Variants in GTF2IRD1 observed in about 807,000 individuals in gnomAD.
The protein encoded by GTF2IRD1 is general transcription factor II-I repeat domain-containing protein 1.
In GTF2IRD1, 26 loss-of-function variants were observed where a neutral mutation model predicts 113.2. The observed-to-expected ratio is 0.23, with a 90% CI of 0.17 to 0.32. GTF2IRD1 has a LOEUF of 0.32. Among genes scored for constraint, GTF2IRD1 ranks in the 10% least tolerant of loss-of-function variants. The pLI, the probability that GTF2IRD1 is intolerant of heterozygous loss-of-function variation, is 1.00. For synonymous variants in GTF2IRD1, 484 were observed against 529.1 expected (o/e 0.91, Z 1.17); for missense variants, 864 against 1,280.8 (o/e 0.67, Z 4.97).
At chr7:74,478,056 CAAAT>C (rs1344227810) in intron 1 of GTF2IRD1, among the ~76,000 whole-genome samples, 6 of 152,178 alleles carry the variant, frequency 3.9e-5, no homozygotes, top group Admixed American at 3.3e-4. Context: ...TGCCTGAGAA[CAAAT>C]AAATACTTCT....
intron 22 of GTF2IRD1, among the ~76,000 whole-genome samples, chr7:74,576,298 C>T (rs587672093): frequency 2.6e-4 from 39 of 151,994 alleles, no homozygotes; most frequent in South Asian, 1.0e-3. Context: ...CAGTGGCTCA[C>T]GACTGTAATC....
At chr7:74,584,944 G>C (rs1415350402) in intron 22 of GTF2IRD1, among the ~76,000 whole-genome samples, 2 of 152,040 alleles carry the variant, frequency 1.3e-5, no homozygotes, top group Non-Finnish European at 2.9e-5. Flanking sequence ...TGGGATTACA[G>C]GCACCTGCCA....
intron 22 of GTF2IRD1, among the ~76,000 whole-genome samples, chr7:74,586,941 T>C (rs1256115894): frequency 1.3e-5 from 2 of 151,416 alleles, no homozygotes; most frequent in Non-Finnish European, 2.9e-5. Flanking sequence ...AGCTTAGGAG[T>C]TCGAGAACAG....
intron 1 of GTF2IRD1, chr7:74,507,156 G>C (rs1796340478): frequency 6.6e-6 from 1 of 152,246 alleles, no homozygotes; most frequent in Admixed American, 6.6e-5. Flanking sequence ...GGTACAGGAG[G>C]TGGGCAAGCA....
chr7:74,497,136 T>A (rs2129757019), intron 1 of GTF2IRD1, among the ~76,000 whole-genome samples: 1 of 152,272 alleles, frequency 6.6e-6, no homozygotes, highest in Middle Eastern at 3.4e-3. Context: ...CAATCCAGCC[T>A]GGGCAACAGA....
intron 1 of GTF2IRD1, among the ~76,000 whole-genome samples, chr7:74,475,477 T>C (rs1479149064): frequency 1.3e-5 from 2 of 152,132 alleles, no homozygotes; most frequent in African/African-American, 4.8e-5. Context: ...CCTGGCCTCA[T>C]GTACGTTCCT....
intron 25 of GTF2IRD1, among the ~76,000 whole-genome samples, chr7:74,597,207 T>A (rs1434174672): frequency 6.6e-6 from 1 of 151,780 alleles, no homozygotes; most frequent in Non-Finnish European, 1.5e-5. Context: ...CACGCCCAGC[T>A]ATTTTTTTGT....
chr7:74,538,795 A>G (rs1554350935), intron 13 of GTF2IRD1, 35 bp downstream of exon 13: 3 of 1,149,490 alleles, frequency 2.6e-6, no homozygotes, highest in Non-Finnish European at 4.0e-6. Context: ...CCCTGCAGAA[A>G]TCAGGGCCGG....
At chr7:74,533,871 A>T (rs1311697858) in intron 9 of GTF2IRD1, among the ~76,000 whole-genome samples, 1 of 151,978 alleles carries the variant, frequency 6.6e-6, no homozygotes, top group Non-Finnish European at 1.5e-5. Flanking sequence ...CTACAAAAAA[A>T]TTTAAAACTT....
At position 74,579,179 on chromosome 7, in the gene GTF2IRD1, G is replaced by A. The variant is rs1801259909; in HGVS notation, c.2321-10672G>A. 2.6e-5 allele frequency among the ~76,000 whole-genome samples: 4 copies of A among 152,138 alleles called. No homozygotes were observed. The South Asian group carries it at 8.3e-4, about 31-fold the overall frequency. ...TCTACAAAAATGTTAAAATTAGCCA[G>A]ACGTGGTGGTATGCACCTGTAGGCC... On this transcript the variant is annotated intron_variant, in intron 22 of 26. Coordinates refer to ENST00000424337, the MANE Select transcript of GTF2IRD1 (RefSeq NM_005685.4).
chr7:74,455,868 G>C (rs1215516017), intron 1 of GTF2IRD1, among the ~76,000 whole-genome samples: 2 of 152,142 alleles, frequency 1.3e-5, no homozygotes, highest in Non-Finnish European at 2.9e-5. Context: ...AGGAAGGAAG[G>C]GTTGAAACTC....
At chr7:74,485,469 T>C (rs1459136451) in intron 1 of GTF2IRD1, among the ~76,000 whole-genome samples, 1 of 151,214 alleles carries the variant, frequency 6.6e-6, no homozygotes, top group African/African-American at 2.4e-5. Flanking sequence ...CACAAAAAAT[T>C]AGCTGGGCGT....
chr7:74,498,725 G>GTTC (rs145998265), intron 1 of GTF2IRD1, among the ~76,000 whole-genome samples: 13,142 of 134,834 alleles, frequency 0.097, 1,442 homozygotes, highest in East Asian at 0.38. Context: ...TGGTCCTGTA[G>GTTC]TTCTTTTTTT....
chr7:74,588,220 G>T (rs1182804784), intron 22 of GTF2IRD1, among the ~76,000 whole-genome samples: 1 of 148,360 alleles, frequency 6.7e-6, no homozygotes, highest in Non-Finnish European at 1.5e-5. Context: ...CAGTTCTCCT[G>T]TCTCAATCTC....
chr7:74,522,671 G>A (rs1797361754), intron 7 of GTF2IRD1, among the ~76,000 whole-genome samples: 1 of 152,194 alleles, frequency 6.6e-6, no homozygotes, highest in African/African-American at 2.4e-5. Flanking sequence ...ATGTCCAGAT[G>A]GAACAGTATC....
intron 1 of GTF2IRD1, among the ~76,000 whole-genome samples, chr7:74,500,686 A>G (rs1479935213): frequency 6.6e-6 from 1 of 152,142 alleles, no homozygotes; most frequent in Admixed American, 6.6e-5. Context: ...TCGCATTTGC[A>G]TGCTCTGACA....
chr7:74,517,463 C>T (rs1208219395), intron 4 of GTF2IRD1, among the ~76,000 whole-genome samples: 3 of 108,938 alleles, frequency 2.8e-5, no homozygotes, highest in Non-Finnish European at 3.4e-5. Flanking sequence ...GATGGATTCT[C>T]GTTCTGTTAC....
chr7:74,454,391 C>G (rs565307365), intron 1 of GTF2IRD1, among the ~76,000 whole-genome samples: 2 of 151,444 alleles, frequency 1.3e-5, no homozygotes, highest in African/African-American at 2.4e-5. Context: ...GGCCGCCCCC[C>G]ACCTGCCCGG....
intron 22 of GTF2IRD1, among the ~76,000 whole-genome samples, chr7:74,572,783 A>G (rs1444619675): frequency 1.3e-5 from 2 of 151,858 alleles, no homozygotes; most frequent in African/African-American, 2.4e-5. Flanking sequence ...CGCCAGCCAC[A>G]TGTTTCTCCA....
Sources: allele counts gnomAD v4.1 joint callset (sites outside exome capture counted in the v4.1 genomes callset), GRCh38; gene constraint gnomAD v4.1.1; transcripts MANE v1.5; gene names NCBI Gene and HGNC (gene_info 2026-07-23, HGNC 2026-07-21).